The following RALYL variants were observed in gnomAD, a reference collection of about 807,000 sequenced individuals.
RALYL encodes RNA-binding Raly-like protein.
In RALYL, 29 loss-of-function variants were observed where a neutral mutation model predicts 35.1. The observed-to-expected ratio is 0.83, with a 90% CI of 0.61 to 1.13. The LOEUF is 1.13. RALYL is among the 50% of genes most tolerant of loss of function. The pLI, the probability that RALYL is intolerant of heterozygous loss-of-function variation, is 0.00. For missense variants in RALYL, 359 were observed against 360.4 expected (o/e 1.00, Z 0.03); for synonymous variants, 120 against 127.6 (o/e 0.94, Z 0.40).
intron 1 of RALYL, among the ~76,000 whole-genome samples, chr8:84,428,104 TCTCACACA>T (rs1467952279): frequency 4.3e-4 from 57 of 131,814 alleles, no homozygotes; most frequent in African/African-American, 1.4e-3. Context: ...TCTCTCTCTC[TCTCACACA>T]CACACACACA....
intron 2 of RALYL, among the ~76,000 whole-genome samples, chr8:84,650,500 T>C (rs543219652): frequency 6.6e-6 from 1 of 151,826 alleles, no homozygotes; most frequent in Non-Finnish European, 1.5e-5. Flanking sequence ...ATCAGAGAAA[T>C]GCAAATAAAA....
intron 1 of RALYL, among the ~76,000 whole-genome samples, chr8:84,283,185 A>T (rs1341600562): frequency 3.3e-5 from 5 of 151,336 alleles, no homozygotes; most frequent in Non-Finnish European, 5.9e-5. Context: ...TGAGTTATGT[A>T]TAATGTTGAG....
intron 2 of RALYL, among the ~76,000 whole-genome samples, chr8:84,720,818 T>C (rs1457998721): frequency 6.6e-6 from 1 of 151,640 alleles, no homozygotes; most frequent in Non-Finnish European, 1.5e-5. Context: ...TGATTAATAA[T>C]GAACAAAAGA....
intron 4 of RALYL, among the ~76,000 whole-genome samples, chr8:84,837,278 G>C (rs182676863): frequency 6.6e-6 from 1 of 152,102 alleles, no homozygotes; most frequent in African/African-American, 2.4e-5. Context: ...TCCTAGTATT[G>C]CACCTGACTT....
intron 1 of RALYL, among the ~76,000 whole-genome samples, chr8:84,378,195 C>T (rs368702935): frequency 4.9e-4 from 74 of 152,042 alleles, no homozygotes; most frequent in African/African-American, 1.7e-3. Context: ...TCTTAATTCT[C>T]TGCAAACTAT....
At chr8:84,442,532 C>T (rs75094521) in intron 1 of RALYL, among the ~76,000 whole-genome samples, 2,480 of 152,174 alleles carry the variant, frequency 0.016, 37 homozygotes, top group Middle Eastern at 0.065. Context: ...TTCCTAACTT[C>T]AAGGTGCTTA....
chr8:84,701,575 C>T (rs934347866), intron 2 of RALYL, among the ~76,000 whole-genome samples: 3 of 152,120 alleles, frequency 2.0e-5, no homozygotes, highest in East Asian at 1.9e-4. Context: ...GCTAATAATT[C>T]GATACATTTG....
At chr8:84,653,699 C>T (rs1284809382) in intron 2 of RALYL, among the ~76,000 whole-genome samples, 2 of 148,804 alleles carry the variant, frequency 1.3e-5, no homozygotes, top group Admixed American at 1.3e-4. Context: ...CCTGACATAC[C>T]TCCATAAAAC....
intron 1 of RALYL, among the ~76,000 whole-genome samples, chr8:84,358,984 C>T (rs1171957004): frequency 6.6e-6 from 1 of 151,734 alleles, no homozygotes; most frequent in African/African-American, 2.4e-5. Flanking sequence ...AAATTGATGG[C>T]AAATACTTAA....
intron 4 of RALYL, among the ~76,000 whole-genome samples, chr8:84,846,536 TAG>T (rs896314200): frequency 6.6e-6 from 1 of 152,212 alleles, no homozygotes; most frequent in African/African-American, 2.4e-5. Flanking sequence ...TAGAGTGAGT[TAG>T]AGAGAAGTCT....
chr8:84,683,890 T>TA (rs1836195899), intron 2 of RALYL, among the ~76,000 whole-genome samples: 1 of 152,080 alleles, frequency 6.6e-6, no homozygotes, highest in South Asian at 2.1e-4. Flanking sequence ...TTCACTATAT[T>TA]AGCCAGACTG....
intron 1 of RALYL, among the ~76,000 whole-genome samples, chr8:84,419,944 A>G (rs1428970782): frequency 1.3e-5 from 2 of 151,036 alleles, no homozygotes; most frequent in Admixed American, 6.6e-5. Flanking sequence ...CCAGTCTATC[A>G]TTGTTGGACA....
chr8:84,305,909 G>T (rs1353132772), intron 1 of RALYL, among the ~76,000 whole-genome samples: 1 of 152,130 alleles, frequency 6.6e-6, no homozygotes, highest in African/African-American at 2.4e-5. Flanking sequence ...AGTGTCCTAA[G>T]AGGCAGAGAG....
chr8:84,437,908 T>C lies in RALYL; in HGVS notation c.-23-91391T>C, dbSNP rs187609863. ...AGAAACCAAGCAGATGCCAGCATCA[T>C]GCATCTGCAGAACTGCAAGCCAGTT... is the stretch of plus-strand genomic sequence containing the variant. On this transcript the variant is annotated intron_variant, in intron 1 of 8. Transcript: ENST00000521268. Among the ~76,000 whole-genome samples the C allele has an allele frequency of 5.3e-5, 8 of 152,298 alleles. No individual in the cohort carries two copies. The East Asian group carries it at 1.5e-3, about 29-fold the overall frequency.
intron 1 of RALYL, among the ~76,000 whole-genome samples, chr8:84,339,950 G>A (rs578143560): frequency 1.3e-5 from 2 of 152,172 alleles, no homozygotes; most frequent in Non-Finnish European, 2.9e-5. Context: ...GTCATGGGAG[G>A]GACCCAATGG....
At chr8:84,683,589 T>C (rs145443644) in intron 2 of RALYL, among the ~76,000 whole-genome samples, 1 of 152,314 alleles carries the variant, frequency 6.6e-6, no homozygotes, top group African/African-American at 2.4e-5. Flanking sequence ...CAGATTTGCA[T>C]GGTTAGCACA....
intron 8 of RALYL, among the ~76,000 whole-genome samples, chr8:84,894,598 A>G (rs763372559): frequency 9.2e-5 from 14 of 152,122 alleles, no homozygotes; most frequent in Admixed American, 4.6e-4. Context: ...GGTGACCTGC[A>G]TGGGTCATGC....
chr8:84,491,645 G>C (rs1450275176), intron 1 of RALYL, among the ~76,000 whole-genome samples: 3 of 151,850 alleles, frequency 2.0e-5, no homozygotes, highest in Non-Finnish European at 4.4e-5. Context: ...AACAAAAGAA[G>C]GAAGCTCAGG....
chr8:84,679,768 C>G (rs1834986908), intron 2 of RALYL: 1 of 519,096 alleles, frequency 1.9e-6, no homozygotes, highest in African/African-American at 1.9e-5. Flanking sequence ...GGATTCAGCA[C>G]TGATGAAGCC....
Sources: gnomAD v4.1 joint callset for allele counts (sites outside exome capture counted in the v4.1 genomes callset) on GRCh38, gnomAD v4.1.1 for gene constraint, MANE v1.5 for transcripts, NCBI Gene and HGNC (gene_info 2026-07-23, HGNC 2026-07-21) for gene names.